Variants in TAB2 observed in about 807,000 individuals in gnomAD.
TAB2 encodes TGF-beta activated kinase 1 (MAP3K7) binding protein 2.
Under a neutral mutation model 65.0 loss-of-function variants are expected in TAB2, and 3 were observed. The ratio of observed to expected loss-of-function variants is 0.05; its 90% CI spans 0.02 to 0.12. TAB2 has a LOEUF of 0.12. Among genes scored for constraint, TAB2 ranks in the 10% least tolerant of loss-of-function variants. TAB2 has a pLI of 1.00. For synonymous variants in TAB2, 298 were observed against 285.1 expected, an observed-to-expected ratio of 1.05 and a Z score of -0.46; for missense variants, 623 against 840.3, an observed-to-expected ratio of 0.74 and a Z score of 3.20.
chr6:149,394,764 T>C (rs930193691), intron 3 of TAB2, among the ~76,000 whole-genome samples: 2 of 152,202 alleles, frequency 1.3e-5, no homozygotes, highest in African/African-American at 4.8e-5. Flanking sequence ...GTCCTTTTAT[T>C]TTGAACCTGT....
intron 1 of TAB2, among the ~76,000 whole-genome samples, chr6:149,225,577 G>GA (rs1299176748): frequency 3.3e-5 from 5 of 152,124 alleles, no homozygotes; most frequent in African/African-American, 1.2e-4. Context: ...GACAGTTGGG[G>GA]AACTCCCTTT....
chr6:149,327,982 T>C (rs1187420463), intron 1 of TAB2, among the ~76,000 whole-genome samples: 1 of 152,192 alleles, frequency 6.6e-6, no homozygotes, highest in Non-Finnish European at 1.5e-5. Flanking sequence ...ATTTAAAGGA[T>C]GACAGAGCCA....
chr6:149,365,991 T>A (rs79227920), intron 1 of TAB2, among the ~76,000 whole-genome samples: 2,497 of 152,242 alleles, frequency 0.016, 74 homozygotes, highest in African/African-American at 0.057. Flanking sequence ...TTGCTGAGAG[T>A]TCCAGGCATA....
At chr6:149,275,298 A>T (rs369305983) in intron 1 of TAB2, among the ~76,000 whole-genome samples, 3 of 135,316 alleles carry the variant, frequency 2.2e-5, no homozygotes, top group South Asian at 2.4e-4. Flanking sequence ...GAAAGAAAGA[A>T]AGAGAAAAAA....
chr6:149,352,640 TC>T (rs1780528226), intron 1 of TAB2, among the ~76,000 whole-genome samples: 1 of 152,244 alleles, frequency 6.6e-6, no homozygotes, highest in Admixed American at 6.5e-5. Context: ...TTTTGATTAG[TC>T]CCTTCCCTGC....
chr6:149,333,441 A>G (rs1453700327), intron 1 of TAB2, among the ~76,000 whole-genome samples: 1 of 152,204 alleles, frequency 6.6e-6, no homozygotes, highest in East Asian at 1.9e-4. Flanking sequence ...AGTTGAGTCC[A>G]TAATAGCATG....
At chr6:149,242,819 T>A (rs1450208656) in intron 1 of TAB2, among the ~76,000 whole-genome samples, 1 of 152,178 alleles carries the variant, frequency 6.6e-6, no homozygotes, top group Non-Finnish European at 1.5e-5. Flanking sequence ...CAAATCCCCA[T>A]GATGCCCAGC....
intron 1 of TAB2, among the ~76,000 whole-genome samples, chr6:149,251,088 G>C (rs1387481005): frequency 2.0e-5 from 3 of 152,176 alleles, no homozygotes; most frequent in Non-Finnish European, 2.9e-5. Context: ...CTCTGTCGCT[G>C]TGAGTCAGTT....
chr6:149,325,562 G>A (rs1283419280), intron 1 of TAB2, among the ~76,000 whole-genome samples: 2 of 151,938 alleles, frequency 1.3e-5, no homozygotes, highest in Non-Finnish European at 2.9e-5. Context: ...TGTTCCTGTG[G>A]GAAAAGCTGC....
chr6:149,402,185 C>G (rs1160320963), intron 6 of TAB2, among the ~76,000 whole-genome samples: 1 of 150,454 alleles, frequency 6.6e-6, no homozygotes, highest in Non-Finnish European at 1.5e-5. Context: ...ATTGACAAAC[C>G]CTTAGCTAGA....
At chr6:149,347,906 A>G (rs1236688356) in intron 1 of TAB2, among the ~76,000 whole-genome samples, 1 of 152,156 alleles carries the variant, frequency 6.6e-6, no homozygotes, top group Non-Finnish European at 1.5e-5. Context: ...TTCTTATTTT[A>G]TGTTTAATTT....
intron 1 of TAB2, among the ~76,000 whole-genome samples, chr6:149,296,966 C>G (rs531848383): frequency 1.3e-4 from 20 of 152,200 alleles, no homozygotes; most frequent in Non-Finnish European, 2.6e-4. Flanking sequence ...ATCAGAGAAG[C>G]TTCAAGAATA....
intron 3 of TAB2, among the ~76,000 whole-genome samples, chr6:149,395,633 T>C (rs1308573598): frequency 6.6e-6 from 1 of 152,206 alleles, no homozygotes; most frequent in African/African-American, 2.4e-5. Context: ...TGTTTTATTT[T>C]CACTTTGTTT....
At chr6:149,334,252 T>G (rs1218792319) in intron 1 of TAB2, among the ~76,000 whole-genome samples, 1 of 152,210 alleles carries the variant, frequency 6.6e-6, no homozygotes, top group Non-Finnish European at 1.5e-5. Context: ...CATTATTCCC[T>G]GTGTCAGTGT....
chr6:149,269,281 A>G (rs1169386710), intron 1 of TAB2, among the ~76,000 whole-genome samples: 4 of 152,150 alleles, frequency 2.6e-5, no homozygotes, highest in Non-Finnish European at 5.9e-5. Context: ...CCTAGGACCT[A>G]TTTTCTCCTA....
At chr6:149,305,183 A>G (rs1779043102) in intron 1 of TAB2, among the ~76,000 whole-genome samples, 1 of 152,238 alleles carries the variant, frequency 6.6e-6, no homozygotes, top group Non-Finnish European at 1.5e-5. Flanking sequence ...GTTTGGAAAC[A>G]TCACTCAGAA....
At chr6:149,386,800 C>T (rs1029523553) in intron 3 of TAB2, among the ~76,000 whole-genome samples, 3 of 152,144 alleles carry the variant, frequency 2.0e-5, no homozygotes, top group Non-Finnish European at 4.4e-5. Context: ...CTTTGTGTTA[C>T]TTGCCATCCT....
chr6:149,391,733 G>C (rs919806757), intron 3 of TAB2, among the ~76,000 whole-genome samples: 4 of 151,946 alleles, frequency 2.6e-5, no homozygotes, highest in African/African-American at 4.8e-5. Context: ...TGTAGAAACA[G>C]CATCTCCGTT....
intron 1 of TAB2, among the ~76,000 whole-genome samples, chr6:149,295,414 G>T (rs1778857448): frequency 6.6e-6 from 1 of 152,096 alleles, no homozygotes; most frequent in South Asian, 2.1e-4. Flanking sequence ...TCTGTGAATT[G>T]TTATCTTTCA....
Sources: gnomAD v4.1 joint callset for allele counts (sites outside exome capture counted in the v4.1 genomes callset) on GRCh38, gnomAD v4.1.1 for gene constraint, MANE v1.5 for transcripts, NCBI Gene and HGNC (gene_info 2026-07-23, HGNC 2026-07-21) for gene names.